Variants in GYG1 observed in about 807,000 individuals in gnomAD.
GYG1 encodes glycogenin-1.
GYG1 carries 44 observed loss-of-function variants against 41.9 expected under a neutral mutation model. The ratio of observed to expected loss-of-function variants is 1.05; its 90% CI spans 0.83 to 1.35. The LOEUF is 1.35. GYG1 is among the 40% of genes most tolerant of loss of function. The pLI is 0.00. For synonymous variants in GYG1, 141 were observed against 158.1 expected (o/e 0.89, Z 0.81); for missense variants, 429 against 418.9 (o/e 1.02, Z -0.21).
At position 148,996,763 on chromosome 3, in the gene GYG1, C is replaced by G. The variant is rs748262447; in HGVS notation, c.340C>G (p.Leu114Val). ...DTLVLANIDDLFDREELSAAP... is the reference protein window; with the variant it reads ...DTLVLANIDDVFDREELSAAP... ...TCAGGTCCTAGCAAATATTGATGAT[C>G]TTTTTGACAGAGAAGAATTGTCAGC... is the stretch of plus-strand genomic sequence containing the variant. The change falls in exon 4 of 8, where the codon CTT becomes GTT. Residue 114 changes from leucine to valine, a missense_variant. Leu to Val is a conservative substitution (Grantham distance 32). Transcript: ENST00000345003. 1 of 1,613,950 alleles carries G rather than the reference C, an allele frequency of 6.2e-7. No homozygotes were observed. The highest frequency in any genetic ancestry group is 8.5e-7 in the Non-Finnish European group (1 of 1,179,822).
At chr3:149,017,694 G>A (rs952254333) in intron 5 of GYG1, among the ~76,000 whole-genome samples, 1 of 138,678 alleles carries the variant, frequency 7.2e-6, no homozygotes. Flanking sequence ...CTCCTCCCAG[G>A]TTCGGTTCAA....
chr3:148,998,489 A>G lies in GYG1; in HGVS notation c.481+1585A>G, dbSNP rs374675906. Among the ~76,000 whole-genome samples the G allele has an allele frequency of 3.7e-4, 57 of 152,330 alleles. 1 individual carries two copies. The highest frequency in any genetic ancestry group is 1.4e-3 in the African/African-American group (57 of 41,562). On this transcript the variant is annotated intron_variant, in intron 4 of 7. Coordinates refer to ENST00000345003, the MANE Select transcript of GYG1 (RefSeq NM_004130.4). The stretch of plus-strand genomic sequence containing the variant: ...GAATTACCTAGCCCAGCATGTCAGT[A>G]GTGCTGAGGTTGCGAAACTCTGCTC...
chr3:148,998,650 C>T (rs967376332), intron 4 of GYG1, among the ~76,000 whole-genome samples: 2 of 152,116 alleles, frequency 1.3e-5, no homozygotes, highest in Non-Finnish European at 2.9e-5. Flanking sequence ...TGGTCAAGGC[C>T]GAATGAAACT....
intron 4 of GYG1, chr3:149,008,006 G>A (rs1346485787): frequency 6.6e-6 from 1 of 152,234 alleles, no homozygotes; most frequent in Non-Finnish European, 1.5e-5. Context: ...AAGATATGAA[G>A]TCCAGGAGCC....
In GYG1 at chr3:149,024,306, T is replaced by A; in HGVS notation, c.828+34T>A. On this transcript the variant is annotated intron_variant, in intron 6 of 7. Transcript: ENST00000345003. ...TGTTTCTTTTCTTCAGATCATTTAA[T>A]GCTGCTTTTTAAAAAAATTGTTGTA... 4 of 1,267,504 alleles carry A rather than the reference T, an allele frequency of 3.2e-6. No homozygotes were observed. The South Asian group carries it at 4.7e-5, about 15-fold the overall frequency. 78.5% of individuals were successfully genotyped at this position (1,267,504 alleles called of 1,614,324 possible).
intron 4 of GYG1, among the ~76,000 whole-genome samples, chr3:149,004,604 T>C (rs1713290931): frequency 1.3e-5 from 2 of 152,238 alleles, no homozygotes; most frequent in South Asian, 4.1e-4. Context: ...GACTTCTACA[T>C]GGCATTTAAT....
intron 5 of GYG1, among the ~76,000 whole-genome samples, chr3:149,016,260 CAAAAAAAAAAAAAAAACAA>C (rs1714024972): frequency 1.4e-5 from 1 of 70,060 alleles, no homozygotes; most frequent in African/African-American, 5.5e-5. Context: ...GACTCCGTCT[CAAAAAAAAAAAAAAAACAA>C]AAAAGAAAAA....
chr3:149,010,647 C>T (rs753813209), intron 5 of GYG1, among the ~76,000 whole-genome samples: 1 of 152,152 alleles, frequency 6.6e-6, no homozygotes, highest in Non-Finnish European at 1.5e-5. Flanking sequence ...TTCTGATACA[C>T]CTTACAACTA....
At position 149,027,810 on chromosome 3, in the gene GYG1, G is replaced by C. The variant is rs1009480131; in HGVS notation, c.*877G>C. The C allele has an allele frequency of 7.9e-5, 12 of 152,108 alleles. No individual in the cohort carries two copies. The highest frequency in any genetic ancestry group is 2.9e-4 in the African/African-American group (12 of 41,394). The allele number at this position is 152,108 out of a possible 1,614,324, so 9.4% of individuals were successfully genotyped here. A position where few individuals can be genotyped will look rare whatever the true frequency, so the allele number is the denominator to read the frequency against. ...TTCAATCTAATTGTTTTTCTGTGATGGTGATGGATCTGACAGATCAGAACA... is the reference window on the plus strand; with the variant it reads ...TTCAATCTAATTGTTTTTCTGTGATCGTGATGGATCTGACAGATCAGAACA... On this transcript the variant is annotated 3_prime_UTR_variant, in exon 8 of 8. Coordinates refer to ENST00000345003, the MANE Select transcript of GYG1 (RefSeq NM_004130.4).
At chr3:148,993,026 A>G (rs1712577857) in intron 1 of GYG1, among the ~76,000 whole-genome samples, 1 of 152,064 alleles carries the variant, frequency 6.6e-6, no homozygotes, top group Non-Finnish European at 1.5e-5. Flanking sequence ...CAGAAAGAGA[A>G]GGACTTCATG....
At chr3:149,006,376 T>A (rs1048546342) in intron 4 of GYG1, among the ~76,000 whole-genome samples, 1 of 152,174 alleles carries the variant, frequency 6.6e-6, no homozygotes, top group African/African-American at 2.4e-5. Flanking sequence ...CCACTGCGCC[T>A]GGCCCATCAT....
At position 149,030,986 on chromosome 3, in the gene GYG1, T is replaced by C. The variant is rs998354429; in HGVS notation, c.*4053T>C. 4.6e-5 allele frequency: 7 copies of C among 152,180 alleles called. No individual in the cohort carries two copies. Among genetic ancestry groups the C allele is most frequent in the African/African-American group, 1.7e-4 (7 of 41,446 alleles). The allele number at this position is 152,180 out of a possible 1,614,324, so 9.4% of individuals were successfully genotyped here. On this transcript the variant is annotated 3_prime_UTR_variant, in exon 8 of 8. Coordinates refer to ENST00000345003, the MANE Select transcript of GYG1 (RefSeq NM_004130.4). ...ATTCTTAAATCTGTATCATCAAACA[T>C]GAAGCTTCTCTTGTTTGTTAGAGTA...
intron 5 of GYG1, among the ~76,000 whole-genome samples, chr3:149,013,561 A>T (rs1246065318): frequency 6.6e-6 from 1 of 152,236 alleles, no homozygotes; most frequent in Non-Finnish European, 1.5e-5. Flanking sequence ...TTGAGTTTAG[A>T]TATGACTAGA....
At chr3:148,994,365 C>T (rs1476329919) in intron 2 of GYG1, 88 bp downstream of exon 2, 3 of 1,404,382 alleles carry the variant, frequency 2.1e-6, no homozygotes, top group Non-Finnish European at 2.0e-6. Context: ...AGGCCATGCT[C>T]TTTTCAGGAA....
rs975580438 is a variant in GYG1 at position 149,028,021 on chromosome 3, T to C, written c.*1088T>C. On this transcript the variant is annotated 3_prime_UTR_variant, in exon 8 of 8. Coordinates refer to ENST00000345003, the MANE Select transcript of GYG1 (RefSeq NM_004130.4). ...AATGGAAAAGCGTATTTATTAAATTTATAGATCATTCTAGGTTGTAAGAGA... is the reference window on the plus strand; with the variant it reads ...AATGGAAAAGCGTATTTATTAAATTCATAGATCATTCTAGGTTGTAAGAGA... 6.6e-6 allele frequency among the ~76,000 whole-genome samples: 1 copy of C among 152,238 alleles called. No homozygotes were observed. Among genetic ancestry groups the C allele is most frequent in the Non-Finnish European group, 1.5e-5 (1 of 68,040 alleles).
At chr3:149,009,767 T>G (rs563505490) in intron 5 of GYG1, among the ~76,000 whole-genome samples, 1 of 152,366 alleles carries the variant, frequency 6.6e-6, no homozygotes, top group South Asian at 2.1e-4. Flanking sequence ...TACTGGCTGC[T>G]GAGCTTTGGT....
At chr3:149,026,729 C>CAT (rs1231408056) in intron 7 of GYG1, 31 bp from the exon 8 acceptor site, 2 of 1,449,362 alleles carry the variant, frequency 1.4e-6, no homozygotes, top group African/African-American at 2.8e-5. Flanking sequence ...ATTTTCAGCT[C>CAT]TCATAGAGTC....
chr3:149,004,114 C>A (rs1713262873), intron 4 of GYG1: 2 of 152,238 alleles, frequency 1.3e-5, no homozygotes, highest in African/African-American at 2.4e-5. Context: ...GAGATACTTG[C>A]TTTTGTTCGC....
At chr3:149,010,917 G>C (rs186506527) in intron 5 of GYG1, among the ~76,000 whole-genome samples, 49 of 152,252 alleles carry the variant, frequency 3.2e-4, no homozygotes, top group Non-Finnish European at 5.7e-4. Context: ...AGTCCTCTCC[G>C]TAAGTCTTAC....
Sources: gnomAD v4.1 joint callset for allele counts (sites outside exome capture counted in the v4.1 genomes callset) on GRCh38, gnomAD v4.1.1 for gene constraint, MANE v1.5 for transcripts, NCBI Gene and HGNC (gene_info 2026-07-23, HGNC 2026-07-21) for gene names.